ACO1: variants seen among roughly 807,000 people sequenced by gnomAD.
The protein encoded by ACO1 is aconitase 1.
ACO1 carries 78 observed loss-of-function variants against 105.1 expected under a neutral mutation model. The ratio of observed to expected loss-of-function variants is 0.74; its 90% confidence interval spans 0.62 to 0.90. The LOEUF is 0.90. ACO1 is among the 40% of genes least tolerant of loss of function. The pLI is 0.00. For synonymous variants in ACO1, 364 were observed against 397.4 expected, an observed-to-expected ratio of 0.92 and a Z score of 1.00; for missense variants, 965 against 1,111.1, an observed-to-expected ratio of 0.87 and a Z score of 1.87.
chr9:32,417,322 C>G (rs773179214), intron 4 of ACO1, among the ~76,000 whole-genome samples: 9 of 152,108 alleles, frequency 5.9e-5, no homozygotes, highest in Non-Finnish European at 1.2e-4. Context: ...AGTAGTTATC[C>G]AGTACTTCAT....
At chr9:32,435,407 C>G (rs1392316165) in intron 17 of ACO1, among the ~76,000 whole-genome samples, 3 of 152,096 alleles carry the variant, frequency 2.0e-5, no homozygotes, top group Non-Finnish European at 4.4e-5. Flanking sequence ...TAATGCCTTC[C>G]CAGAAAAATG....
In ACO1 at chr9:32,405,523, C is replaced by T; in HGVS notation, c.17C>T (p.Ala6Val). 6.2e-7 allele frequency: 1 copy of T among 1,613,690 alleles called. No homozygotes were observed. The highest frequency in any genetic ancestry group is 8.5e-7 in the Non-Finnish European group (1 of 1,179,728). Residue 6 changes from alanine to valine, a missense_variant, in exon 2 of 21, where the codon GCA (alanine) becomes GTA (valine). Physicochemically the swap from Ala to Val is moderately conservative, Grantham distance 64 (BLOSUM62 0). Coordinates refer to ENST00000309951, the MANE Select transcript of ACO1 (RefSeq NM_002197.3). MSNPF[A>V]HLAEPLDPVQ... ...TCAGTAATCATGAGCAACCCATTCG[C>T]ACACCTTGCTGAGCCATTGGATCCT...
chr9:32,437,979 A>G (rs1314304907), intron 18 of ACO1, among the ~76,000 whole-genome samples: 1 of 152,162 alleles, frequency 6.6e-6, no homozygotes, highest in African/African-American at 2.4e-5. Flanking sequence ...AATTATTTCA[A>G]AACAAAACAA....
At chr9:32,416,979 G>A (rs1172197430) in intron 4 of ACO1, among the ~76,000 whole-genome samples, 3 of 152,186 alleles carry the variant, frequency 2.0e-5, no homozygotes, top group African/African-American at 7.2e-5. Context: ...TGTTACTGTG[G>A]TGGTGTTAAC....
chr9:32,421,523 C>G (rs1821975358), intron 8 of ACO1, among the ~76,000 whole-genome samples: 1 of 152,176 alleles, frequency 6.6e-6, no homozygotes, highest in Non-Finnish European at 1.5e-5. Context: ...AGGAACAGCA[C>G]TCTGCAACAC....
Position 32,423,398 on chromosome 9 carries a change from T to C in ACO1, c.1050T>C (p.Ser350=), listed in dbSNP as rs201335312. The change falls in exon 9 of 21, where the codon TCT becomes TCC. Residue 350 remains serine (S), a synonymous_variant. Coordinates refer to ENST00000309951, the MANE Select transcript of ACO1 (RefSeq NM_002197.3). The stretch of plus-strand genomic sequence containing the variant: ...TGTTTCGAGATTTCAATGACCCTTC[T>C]CAAGACCCAGACTTCACCCAGGTAT... ...VGMFRDFNDP[S]QDPDFTQVVE... is the part of the protein sequence containing the mutation. The C allele has an allele frequency of 9.4e-6, 15 of 1,601,686 alleles. No homozygotes were observed. In the Admixed American group the frequency reaches 2.4e-4, roughly 26 times the overall value.
In ACO1 at chr9:32,396,976, GC is replaced by G. The variant is rs764233459; in HGVS notation, c.-22-8508del. On this transcript the variant is annotated intron_variant, in intron 1 of 20. Coordinates refer to ENST00000309951, the MANE Select transcript of ACO1 (RefSeq NM_002197.3). Reference sequence around the variant, plus strand: ...AATTCAAAATAAAACCATCATTTAAGCTTTTTTTTTTAAAATCTTGACATAT... The same window carrying G: ...AATTCAAAATAAAACCATCATTTAAGTTTTTTTTTTAAAATCTTGACATAT... Among the ~76,000 whole-genome samples, 198 of 152,002 alleles carry G rather than the reference GC, an allele frequency of 1.3e-3. 1 individual carries two copies. Among genetic ancestry groups the G allele is most frequent in the Non-Finnish European group, 2.1e-3 (144 of 67,952 alleles).
In ACO1 at chr9:32,452,118, T is replaced by G. The variant is rs924852447; in HGVS notation, c.*2007T>G. ...GAACTCCATTGTACAAAAAAACCTG[T>G]GATCCTCAAGTTAAGATCAGTCCTA... is the stretch of plus-strand genomic sequence containing the variant. On this transcript the variant is annotated 3_prime_UTR_variant, in exon 21 of 21. Coordinates refer to ENST00000309951, the MANE Select transcript of ACO1 (RefSeq NM_002197.3). The G allele has an allele frequency of 2.6e-5, 4 of 151,686 alleles. No individual in the cohort carries two copies. The highest frequency in any genetic ancestry group is 9.7e-5 in the African/African-American group (4 of 41,294). The allele number at this position is 151,686 out of a possible 1,614,324, so 9.4% of individuals were successfully genotyped here. A position where few individuals can be genotyped will look rare whatever the true frequency, so the allele number is the denominator to read the frequency against.
In ACO1 at chr9:32,418,397, T is replaced by C. The variant is rs752101251; in HGVS notation, c.544T>C (p.Leu182=). ...PGSGIIHQVN[L]EYLARVVFDQ... is the part of the protein sequence containing the mutation. ...CTCAGGAATCATCCACCAGGTGAAT[T>C]TGGAATATTTGGCAAGAGTGGTATT... Residue 182 remains leucine, a synonymous_variant, in exon 6 of 21, where the codon TTG becomes CTG. Coordinates refer to ENST00000309951, the MANE Select transcript of ACO1 (RefSeq NM_002197.3). The C allele has an allele frequency of 1.5e-5, 25 of 1,614,046 alleles. No homozygotes were observed. The highest frequency in any genetic ancestry group is 4.5e-5 in the East Asian group (2 of 44,896).
At chr9:32,440,323 A>G (rs755089494) in intron 18 of ACO1, 142 bp from the exon 19 acceptor site, 13 of 825,020 alleles carry the variant, frequency 1.6e-5, no homozygotes, top group Admixed American at 2.5e-5. Context: ...AGATCAAGAT[A>G]ATTGGGAATT....
At position 32,449,033 on chromosome 9, in the gene ACO1, T is replaced by G; in HGVS notation, c.2508T>G (p.Thr836=). Reference sequence around the variant, plus strand: ...GGCTCACAGGGCAAGAACGATACACTATCATTATTCCAGAAAACCTCAAAC... The same window carrying G: ...GGCTCACAGGGCAAGAACGATACACGATCATTATTCCAGAAAACCTCAAAC... The part of the protein sequence containing the change: ...ALGLTGQERY[T]IIIPENLKPQ... The change falls in exon 20 of 21, where the codon ACT becomes ACG. Residue 836 remains threonine (T), a synonymous_variant. Coordinates refer to ENST00000309951, the MANE Select transcript of ACO1 (RefSeq NM_002197.3). The G allele has an allele frequency of 6.2e-7, 1 of 1,612,676 alleles. No homozygotes were observed. Among genetic ancestry groups the G allele is most frequent in the Non-Finnish European group, 8.5e-7 (1 of 1,179,042 alleles).
At chr9:32,406,202 C>T (rs1321892911) in intron 2 of ACO1, among the ~76,000 whole-genome samples, 7 of 152,092 alleles carry the variant, frequency 4.6e-5, no homozygotes, top group East Asian at 3.8e-4. Flanking sequence ...GAAAGATGTA[C>T]GTGCATATAC....
At chr9:32,421,931 T>G (rs944351634) in intron 8 of ACO1, among the ~76,000 whole-genome samples, 1 of 152,224 alleles carries the variant, frequency 6.6e-6, no homozygotes, top group African/African-American at 2.4e-5. Context: ...TGCTGTAGCC[T>G]GAGGAAATTC....
chr9:32,445,126 T>G (rs1822570262), intron 19 of ACO1, among the ~76,000 whole-genome samples: 1 of 152,238 alleles, frequency 6.6e-6, no homozygotes, highest in Admixed American at 6.5e-5. Context: ...GCTGGCCTCA[T>G]AAAATGAGTT....
chr9:32,437,915 C>T (rs575879432), intron 18 of ACO1, among the ~76,000 whole-genome samples: 1 of 152,116 alleles, frequency 6.6e-6, no homozygotes, highest in African/African-American at 2.4e-5. Context: ...GAGGCCCTAA[C>T]AACCTGCCTA....
chr9:32,431,738 G>A lies in ACO1; in HGVS notation c.1746G>A (p.Gln582=), dbSNP rs1822241282. 1.2e-6 allele frequency: 2 copies of A among 1,614,112 alleles called. No individual in the cohort carries two copies. The highest frequency in any genetic ancestry group is 3.3e-5 in the Admixed American group (2 of 60,016). Residue 582 remains glutamine, a synonymous_variant, in exon 15 of 21, where the codon CAG becomes CAA. Coordinates refer to ENST00000309951, the MANE Select transcript of ACO1 (RefSeq NM_002197.3). ...CCCCAGGAGTAAATGCAAAGGGACA[G>A]CAGGTATTTCTGAAAGATATCTGGC... ...KEPLGVNAKG[Q]QVFLKDIWPT... is the part of the protein sequence containing the mutation.
At chr9:32,418,270 T>C in intron 5 of ACO1, 58 bp from the exon 6 acceptor site, 2 of 1,612,566 alleles carry the variant, frequency 1.2e-6, no homozygotes, top group Non-Finnish European at 1.7e-6. Context: ...GCCAAGGAGA[T>C]GGGCTGAGTA....
intron 13 of ACO1, 85 bp downstream of exon 13, chr9:32,429,588 T>G: frequency 8.4e-7 from 1 of 1,190,678 alleles, no homozygotes. Flanking sequence ...TTCAAGAAGG[T>G]CCATGGAAGC....
intron 17 of ACO1, 26 bp downstream of exon 17, chr9:32,434,727 C>A (rs1353015585): frequency 6.2e-7 from 1 of 1,609,094 alleles, no homozygotes; most frequent in Admixed American, 1.7e-5. Flanking sequence ...GCAGGAAGGA[C>A]TAAAGGCAAA....
Sources: gnomAD v4.1 joint callset for allele counts (sites outside exome capture counted in the v4.1 genomes callset) on GRCh38, gnomAD v4.1.1 for gene constraint, MANE v1.5 for transcripts, NCBI Gene and HGNC (gene_info 2026-07-23, HGNC 2026-07-21) for gene names.